Variants in ARMC3 observed in about 807,000 individuals in gnomAD.
The protein encoded by ARMC3 is armadillo repeat-containing protein 3.
A neutral mutation model predicts 90.3 loss-of-function variants in ARMC3; 74 were observed. The ratio of observed to expected loss-of-function variants is 0.82; its 90% confidence interval spans 0.68 to 0.99. ARMC3 has a LOEUF of 0.99. ARMC3 is among the 50% of genes least tolerant of loss of function. The pLI, the probability that ARMC3 is intolerant of heterozygous loss-of-function variation, is 0.00. For synonymous variants in ARMC3, 334 were observed against 361.8 expected, an observed-to-expected ratio of 0.92 and a Z score of 0.87; for missense variants, 958 against 1,042.8, an observed-to-expected ratio of 0.92 and a Z score of 1.12.
At chr10:22,952,557 C>G (rs1344946117) in intron 3 of ARMC3, among the ~76,000 whole-genome samples, 4 of 152,140 alleles carry the variant, frequency 2.6e-5, no homozygotes, top group African/African-American at 9.7e-5. Context: ...AAACAAAACT[C>G]CAGGTCCAGA....
intron 16 of ARMC3, among the ~76,000 whole-genome samples, chr10:23,020,946 C>G (rs1235956705): frequency 6.6e-6 from 1 of 152,064 alleles, no homozygotes; most frequent in East Asian, 1.9e-4. Context: ...TCAACCCTTC[C>G]CCACCTCTCA....
chr10:22,956,650 A>G (rs1286441913), intron 4 of ARMC3, among the ~76,000 whole-genome samples: 1 of 150,422 alleles, frequency 6.6e-6, no homozygotes, highest in Non-Finnish European at 1.5e-5. Context: ...CAGACCTATT[A>G]CTTGCTTGGA....
intron 1 of ARMC3, among the ~76,000 whole-genome samples, chr10:22,930,615 T>C (rs755046135): frequency 6.6e-6 from 1 of 152,170 alleles, no homozygotes; most frequent in Non-Finnish European, 1.5e-5. Context: ...ATCTAGGAGT[T>C]TCTATGAAGA....
chr10:22,956,538 G>C (rs550079025), intron 4 of ARMC3, among the ~76,000 whole-genome samples: 46 of 152,068 alleles, frequency 3.0e-4, no homozygotes, highest in African/African-American at 1.1e-3. Flanking sequence ...GGGAGGTGGA[G>C]GTTGCAGTGA....
rs895047983 is a variant in ARMC3 at position 22,953,056 on chromosome 10, C to G, written c.167-2751C>G. 1.2e-4 allele frequency among the ~76,000 whole-genome samples: 19 copies of G among 152,116 alleles called. 1 individual carries two copies. The highest frequency in any genetic ancestry group is 5.9e-5 in the Non-Finnish European group (4 of 68,026). ...AGATGAGGAGATTACCTTGGATTAT[C>G]TAGGTTGGGCCAACACAATCACAAA... On this transcript the variant is annotated intron_variant, in intron 3 of 18. Transcript: ENST00000298032.
chr10:23,014,312 G>T, intron 16 of ARMC3: 1 of 1,419,064 alleles, frequency 7.0e-7, no homozygotes, highest in East Asian at 2.6e-5. Flanking sequence ...ACACTTAGGG[G>T]CTCAATGTGC....
intron 2 of ARMC3, among the ~76,000 whole-genome samples, chr10:22,938,687 A>G (rs537827091): frequency 6.6e-6 from 1 of 152,280 alleles, no homozygotes; most frequent in East Asian, 1.9e-4. Context: ...AGCCTGAGCA[A>G]TGGAGTGAAT....
chr10:22,993,634 T>G (rs1588889421), intron 10 of ARMC3, among the ~76,000 whole-genome samples: 1 of 152,010 alleles, frequency 6.6e-6, no homozygotes, highest in African/African-American at 2.4e-5. Context: ...TAAATAAGAC[T>G]CAAATATTAC....
At chr10:22,931,784 A>G (rs892346415) in intron 1 of ARMC3, among the ~76,000 whole-genome samples, 6 of 152,194 alleles carry the variant, frequency 3.9e-5, no homozygotes, top group Admixed American at 2.6e-4. Context: ...CTAACACTCA[A>G]TGATCTTATC....
At chr10:23,001,142 T>TG (rs1335111634) in intron 11 of ARMC3, among the ~76,000 whole-genome samples, 18 of 152,260 alleles carry the variant, frequency 1.2e-4, no homozygotes, top group African/African-American at 2.6e-4. Context: ...CACAGTGACA[T>TG]GGGGGGGTCC....
At chr10:22,939,550 G>A (rs151322948) in intron 2 of ARMC3, among the ~76,000 whole-genome samples, 102 of 152,216 alleles carry the variant, frequency 6.7e-4, no homozygotes, top group African/African-American at 2.4e-3. Context: ...TATAGAAAAG[G>A]TTTCTCTAGT....
chr10:22,936,849 T>G (rs1008711920), intron 2 of ARMC3, among the ~76,000 whole-genome samples: 3 of 152,206 alleles, frequency 2.0e-5, no homozygotes, highest in Non-Finnish European at 2.9e-5. Flanking sequence ...GTCAGCCTAT[T>G]GGATTGCAAC....
At chr10:22,971,772 A>G (rs1835695270) in intron 8 of ARMC3, among the ~76,000 whole-genome samples, 1 of 151,894 alleles carries the variant, frequency 6.6e-6, no homozygotes, top group South Asian at 2.1e-4. Flanking sequence ...AAACTGCCAT[A>G]TTGTTTTCTG....
intron 2 of ARMC3, among the ~76,000 whole-genome samples, chr10:22,945,692 G>A (rs1834498743): frequency 6.6e-6 from 1 of 152,160 alleles, no homozygotes; most frequent in Non-Finnish European, 1.5e-5. Flanking sequence ...CAAGGATTGT[G>A]TATATTGAGT....
At chr10:22,945,303 GT>G (rs1182723407) in intron 2 of ARMC3, among the ~76,000 whole-genome samples, 1 of 152,088 alleles carries the variant, frequency 6.6e-6, no homozygotes, top group African/African-American at 2.4e-5. Context: ...TTGAAATACA[GT>G]TTTTTTCCTT....
intron 3 of ARMC3, among the ~76,000 whole-genome samples, chr10:22,948,402 T>C (rs1264686866): frequency 6.6e-6 from 1 of 152,034 alleles, no homozygotes; most frequent in Admixed American, 6.6e-5. Context: ...ATGAAATCAA[T>C]ACAGAAATAA....
At chr10:22,986,445 G>A (rs1201423991) in intron 10 of ARMC3, among the ~76,000 whole-genome samples, 2 of 151,622 alleles carry the variant, frequency 1.3e-5, no homozygotes, top group African/African-American at 2.4e-5. Flanking sequence ...CCAGCTACAT[G>A]GGAGGCTGAG....
chr10:23,006,772 G>T, intron 13 of ARMC3, 112 bp from the exon 14 acceptor site: 1 of 816,114 alleles, frequency 1.2e-6, no homozygotes, highest in Non-Finnish European at 2.1e-6. Context: ...GTGTGTGTTT[G>T]TGTGTGTGAA....
At chr10:22,953,311 T>G (rs1222441661) in intron 3 of ARMC3, among the ~76,000 whole-genome samples, 1 of 152,176 alleles carries the variant, frequency 6.6e-6, no homozygotes, top group African/African-American at 2.4e-5. Flanking sequence ...GAGATATATA[T>G]CAGACTTCTG....
Sources: allele counts gnomAD v4.1 joint callset (sites outside exome capture counted in the v4.1 genomes callset), GRCh38; gene constraint gnomAD v4.1.1; transcripts MANE v1.5; gene names NCBI Gene and HGNC (gene_info 2026-07-23, HGNC 2026-07-21).